CDKN2A: variants seen among roughly 807,000 people sequenced by gnomAD.
The protein encoded by CDKN2A is cyclin-dependent kinase inhibitor 2A.
CDKN2A carries 3 observed loss-of-function variants against 11.1 expected under a neutral mutation model. That is an observed-to-expected ratio of 0.27 (90% confidence interval 0.12 to 0.70). The LOEUF (loss-of-function observed/expected upper bound fraction) is 0.70, where lower values mean the gene tolerates loss of function less well. Among genes scored for constraint, CDKN2A ranks in the 30% least tolerant of loss-of-function variants. The pLI is 0.77. For missense variants in CDKN2A, 265 were observed against 233.6 expected, an observed-to-expected ratio of 1.13 and a Z score of -0.88; for synonymous variants, 122 against 108.1, an observed-to-expected ratio of 1.13 and a Z score of -0.80.
chr9:21,983,295 C>T (rs1162434149), intron 2 of CDKN2A, among the ~76,000 whole-genome samples: 1 of 151,976 alleles, frequency 6.6e-6, no homozygotes, highest in African/African-American at 2.4e-5. Context: ...AAAAACTACC[C>T]CACACAAAGC....
At chr9:21,969,766 C>T in intron 2 of CDKN2A, 2 of 398,204 alleles carry the variant, frequency 5.0e-6, no homozygotes, top group East Asian at 7.1e-5. Context: ...TCCTTCTTCA[C>T]CTCCCGGGAC....
At position 21,981,106 on chromosome 9, in the gene CDKN2A, GTA is replaced by G. The variant is rs36174997; in HGVS notation, c.-3-9900_-3-9899del. ...TATATATACGTGTATATATATACGT[GTA>G]TATATATATATACGTGTATATATAT... On this transcript the variant is annotated intron_variant, in intron 2 of 3. Transcript: ENST00000494262. Among the ~76,000 whole-genome samples the G allele has an allele frequency of 5.1e-3, 90 of 17,618 alleles. 31 individuals carry two copies. Among genetic ancestry groups the G allele is most frequent in the Admixed American group, 6.8e-3 (9 of 1,314 alleles). The allele number at this position is 17,618 out of a possible 152,430, so 11.6% of individuals were successfully genotyped here.
upstream of CDKN2A, among the ~76,000 whole-genome samples, chr9:21,976,378 CAA>C (rs71336505): frequency 0.63 from 78,204 of 124,156 alleles, 24,396 homozygotes; most frequent in Non-Finnish European, 0.72. Flanking sequence ...GACTCCGACT[CAA>C]AAAAAAAAAA....
intron 2 of CDKN2A, among the ~76,000 whole-genome samples, chr9:21,990,505 T>C (rs1322435245): frequency 6.6e-6 from 1 of 152,070 alleles, no homozygotes; most frequent in African/African-American, 2.4e-5. Flanking sequence ...TTACTGATGA[T>C]GGTCATAGCA....
At chr9:21,993,891 A>C (rs1298085586) in exon 2 of CDKN2A, 19 of 551,600 alleles carry the variant, frequency 3.4e-5, no homozygotes, top group Non-Finnish European at 5.5e-5. Context: ...CTGACTTCTG[A>C]GGTGGGTTTA....
At chr9:21,977,465 G>A (rs199886001), upstream of CDKN2A, among the ~76,000 whole-genome samples, 2 of 152,162 alleles carry the variant, frequency 1.3e-5, no homozygotes, top group South Asian at 4.1e-4. Flanking sequence ...TCCCGGGTTC[G>A]AGCAATTCTC....
At chr9:21,979,309 T>G (rs1820119284), upstream of CDKN2A, among the ~76,000 whole-genome samples, 1 of 152,178 alleles carries the variant, frequency 6.6e-6, no homozygotes, top group African/African-American at 2.4e-5. Flanking sequence ...GACACTGCGT[T>G]GACTACTCTT....
chr9:21,983,860 A>C (rs984365444), intron 2 of CDKN2A, among the ~76,000 whole-genome samples: 1 of 152,044 alleles, frequency 6.6e-6, no homozygotes, highest in Non-Finnish European at 1.5e-5. Context: ...CCTAGTCTTT[A>C]AACTCAGATA....
chr9:21,990,648 G>GAGAGAGAGAGAGAA (rs1261600637), intron 2 of CDKN2A, among the ~76,000 whole-genome samples: 2 of 149,372 alleles, frequency 1.3e-5, no homozygotes, highest in African/African-American at 5.0e-5. Flanking sequence ...GAGAGAGAGA[G>GAGAGAGAGAGAGAA]AGAAACTGTT....
rs1331033462 is a variant in CDKN2A, at chr9:21,968,868, C to A, written c.458-626G>T. ...GGGCTCCAGCTCGCCGTTCGGTTCT[C>A]CCGAGGCAGCATTTACACTTGAGAG... On this transcript the variant is annotated intron_variant, in intron 2 of 2. Transcript: ENST00000304494. The surrounding 1 kb of genome is among the most constrained non-coding windows in gnomAD (Gnocchi z 4.7). 14 of 1,203,460 alleles carry A rather than the reference C, an allele frequency of 1.2e-5. No individual in the cohort carries two copies. Among genetic ancestry groups the A allele is most frequent in the Non-Finnish European group, 1.7e-5 (14 of 843,840 alleles). 74.5% of individuals were successfully genotyped at this position (1,203,460 alleles called of 1,614,324 possible).
upstream of CDKN2A, among the ~76,000 whole-genome samples, chr9:21,979,441 T>G (rs1820123614): frequency 6.6e-6 from 1 of 152,096 alleles, no homozygotes; most frequent in African/African-American, 2.4e-5. Context: ...AAGGGAAAGT[T>G]AGAAAAGAAT....
In CDKN2A at chr9:21,971,282, C is replaced by G. The variant is rs532110067; in HGVS notation, c.151-74G>C. 3 of 1,545,176 alleles carry G rather than the reference C, an allele frequency of 1.9e-6. No individual in the cohort carries two copies. In the Admixed American group the frequency reaches 5.7e-5, roughly 30 times the overall value. On this transcript the variant is annotated intron_variant, in intron 1 of 2. Transcript: ENST00000304494. ...CGGAAAGGAAGCTTGTGTAGAGCCC[C>G]CTCACCGCCAAGCAGACCCCCACAC... is the stretch of plus-strand genomic sequence containing the variant.
intron 2 of CDKN2A, among the ~76,000 whole-genome samples, chr9:21,987,650 A>G (rs892727556): frequency 8.5e-5 from 13 of 152,056 alleles, no homozygotes; most frequent in African/African-American, 2.9e-4. Flanking sequence ...TTCTTTTCCA[A>G]TTCATACAAA....
intron 2 of CDKN2A, among the ~76,000 whole-genome samples, chr9:21,980,087 G>A (rs751453526): frequency 2.6e-4 from 39 of 151,636 alleles, no homozygotes; most frequent in Non-Finnish European, 5.2e-4. Context: ...GGGAGTTGAG[G>A]CAATAGCTCT....
intron 1 of CDKN2A, among the ~76,000 whole-genome samples, chr9:21,973,814 CAT>C (rs1819892778): frequency 6.6e-6 from 1 of 152,172 alleles, no homozygotes; most frequent in African/African-American, 2.4e-5. Flanking sequence ...CTACAGCAAA[CAT>C]ATATTTATTT....
intron 2 of CDKN2A, among the ~76,000 whole-genome samples, chr9:21,983,559 GT>G (rs1820242187): frequency 6.6e-6 from 1 of 152,046 alleles, no homozygotes; most frequent in South Asian, 2.1e-4. Flanking sequence ...TAGTATTGCA[GT>G]TTTTCAAAGG....
intron 1 of CDKN2A, chr9:21,994,089 A>C: frequency 1.3e-6 from 2 of 1,575,216 alleles, no homozygotes; most frequent in South Asian, 1.1e-5. Flanking sequence ...AATCACACCA[A>C]ACAAAACAAG....
At position 21,986,216 on chromosome 9, in the gene CDKN2A, G is replaced by A. The variant is rs1820293746; in HGVS notation, c.-4+7666C>T. 4.6e-5 allele frequency among the ~76,000 whole-genome samples: 7 copies of A among 152,084 alleles called. No homozygotes were observed. In the South Asian group the frequency reaches 1.5e-3, roughly 32 times the overall value. ...TGCTAAAGAAAGTAATCTTTCAACT[G>A]CACGCTTCAAGTGGTTCCTGTGCTG... On this transcript the variant is annotated intron_variant, in intron 2 of 3. Coordinates refer to the CDKN2A transcript ENST00000494262.
chr9:21,992,399 C>T (rs931428778), intron 2 of CDKN2A: 37 of 983,862 alleles, frequency 3.8e-5, no homozygotes, highest in South Asian at 9.4e-5. Flanking sequence ...TATTTCAAGA[C>T]ATTCTATCCA....
Sources: gnomAD v4.1 joint callset for allele counts (sites outside exome capture counted in the v4.1 genomes callset) on GRCh38, gnomAD v4.1.1 for gene constraint, Gnocchi (gnomAD v3.1) non-coding constraint, MANE v1.5 for transcripts, NCBI Gene and HGNC (gene_info 2026-07-23, HGNC 2026-07-21) for gene names.